HIVEP3: variants seen among roughly 807,000 people sequenced by gnomAD.
HIVEP3 encodes the protein HIVEP zinc finger 3, also known as transcription factor HIVEP3.
A neutral mutation model predicts 152.8 loss-of-function variants in HIVEP3; 49 were observed. That is an observed-to-expected ratio of 0.32 (90% CI 0.26 to 0.41). HIVEP3 has a LOEUF of 0.41. Among genes scored for constraint, HIVEP3 ranks in the 10% least tolerant of loss-of-function variants. The pLI is 1.00. For synonymous variants in HIVEP3, 1,269 were observed against 1,289.0 expected (o/e 0.98, Z 0.33); for missense variants, 2,790 against 3,103.3 (o/e 0.90, Z 2.40).
At chr1:42,008,389 G>A (rs992013131) in intron 1 of HIVEP3, among the ~76,000 whole-genome samples, 4 of 152,336 alleles carry the variant, frequency 2.6e-5, no homozygotes, top group African/African-American at 9.6e-5. Context: ...GGCATATGCA[G>A]CATCATACGA....
intron 1 of HIVEP3, among the ~76,000 whole-genome samples, chr1:41,708,466 C>G (rs148588908): frequency 5.9e-5 from 9 of 152,264 alleles, no homozygotes; most frequent in Non-Finnish European, 1.3e-4. Context: ...TGAGCCTAAG[C>G]CAGGCATCTC....
At position 41,581,064 on chromosome 1, in the gene HIVEP3, TGGGATTGCAGA is replaced by T; in HGVS notation, c.3723_3733del (p.Leu1242ValfsTer8). The T allele has an allele frequency of 6.4e-7, 1 of 1,557,408 alleles. No homozygotes were observed. The highest frequency in any genetic ancestry group is 8.7e-7 in the Non-Finnish European group (1 of 1,150,610). Reference sequence around the variant, plus strand: ...ATCACCAGGGAGCTGAAGTGCAAACTGGGATTGCAGAGGCAGGAAAAACCCAGAAGACAGTG... The same window carrying T: ...ATCACCAGGGAGCTGAAGTGCAAACTGGCAGGAAAAACCCAGAAGACAGTG... On this transcript the variant is annotated frameshift_variant, in exon 4 of 9. Transcript: ENST00000372583. LOFTEE classifies it high-confidence loss of function. The surrounding 1 kb of genome is among the most constrained non-coding windows in gnomAD (Gnocchi z 4.5).
At chr1:41,950,467 A>G (rs149790017) in intron 1 of HIVEP3, among the ~76,000 whole-genome samples, 6 of 152,286 alleles carry the variant, frequency 3.9e-5, no homozygotes, top group African/African-American at 1.4e-4. Flanking sequence ...TGATTAACTT[A>G]AGAGGTGTTT....
At chr1:41,848,616 A>C (rs181119462) in intron 1 of HIVEP3, among the ~76,000 whole-genome samples, 18 of 152,292 alleles carry the variant, frequency 1.2e-4, no homozygotes, top group Admixed American at 5.9e-4. Flanking sequence ...GAATTGCAGG[A>C]AGAAGGAGGG....
intron 1 of HIVEP3, among the ~76,000 whole-genome samples, chr1:41,911,500 C>T (rs1013311400): frequency 1.3e-5 from 2 of 152,092 alleles, no homozygotes; most frequent in Admixed American, 6.5e-5. Context: ...CCTAGCAGCA[C>T]TGAAAATGCC....
At chr1:41,962,013 A>G (rs555056348) in intron 1 of HIVEP3, among the ~76,000 whole-genome samples, 38 of 152,396 alleles carry the variant, frequency 2.5e-4, no homozygotes, top group African/African-American at 8.9e-4. Context: ...TAGAGGCACC[A>G]TAAGCCAAGA....
chr1:41,753,042 C>T (rs879280115), intron 1 of HIVEP3, among the ~76,000 whole-genome samples: 6 of 152,148 alleles, frequency 3.9e-5, no homozygotes, highest in South Asian at 2.1e-4. Context: ...TGCTGTAAAG[C>T]GGTTGTATTC....
intron 1 of HIVEP3, among the ~76,000 whole-genome samples, chr1:41,948,663 G>A (rs892328599): frequency 1.4e-4 from 21 of 152,076 alleles, no homozygotes; most frequent in Non-Finnish European, 2.8e-4. Flanking sequence ...AGAACCTCAC[G>A]AGGACATAGT....
At chr1:41,722,848 G>T (rs56357975) in intron 1 of HIVEP3, among the ~76,000 whole-genome samples, 10,372 of 152,154 alleles carry the variant, frequency 0.068, 1,188 homozygotes, top group African/African-American at 0.24. Flanking sequence ...TATTGAGTGT[G>T]CATGCATGTG....
intron 1 of HIVEP3, among the ~76,000 whole-genome samples, chr1:41,927,283 G>C (rs1480023452): frequency 6.6e-6 from 1 of 152,160 alleles, no homozygotes; most frequent in Non-Finnish European, 1.5e-5. Flanking sequence ...ACTGAGACAG[G>C]CCACCTGGCT....
chr1:41,719,484 C>T (rs1646646299), intron 1 of HIVEP3, among the ~76,000 whole-genome samples: 1 of 152,220 alleles, frequency 6.6e-6, no homozygotes, highest in African/African-American at 2.4e-5. Flanking sequence ...AGTTTTCCTT[C>T]CCTTGGCTCA....
chr1:41,983,073 T>C (rs953508733), intron 1 of HIVEP3, among the ~76,000 whole-genome samples: 1 of 152,180 alleles, frequency 6.6e-6, no homozygotes, highest in East Asian at 1.9e-4. Flanking sequence ...CAGTTCACAA[T>C]AGGGTTCACA....
At chr1:41,700,163 C>T (rs1446813770) in intron 2 of HIVEP3, among the ~76,000 whole-genome samples, 2 of 152,168 alleles carry the variant, frequency 1.3e-5, no homozygotes, top group African/African-American at 2.4e-5. Flanking sequence ...TGTTCTGTGG[C>T]TATTTGCACA....
In HIVEP3 at chr1:41,511,163, GC is replaced by G; in HGVS notation, c.6508del (p.Ala2170ProfsTer18). On this transcript the variant is annotated frameshift_variant, in exon 9 of 9. Transcript: ENST00000372583. LOFTEE classifies it high-confidence loss of function. The surrounding 1 kb of genome is among the most constrained non-coding windows in gnomAD (Gnocchi z 4.9). ...GCTGAAGATGTTCTCCTCTGTCCGGGCCAGGATGTGGCCGTGGAAGTCATGG... is the reference window on the plus strand; with the variant it reads ...GCTGAAGATGTTCTCCTCTGTCCGGGCAGGATGTGGCCGTGGAAGTCATGG... ...ALHDFHGHIL[A>X]RTEENIFSHL... The G allele has an allele frequency of 6.2e-7, 1 of 1,614,192 alleles. No individual in the cohort carries two copies. Among genetic ancestry groups the G allele is most frequent in the Non-Finnish European group, 8.5e-7 (1 of 1,180,026 alleles).
In HIVEP3 at chr1:41,897,938, GGAGAGAGAGAGAGAGAGAGAGA is replaced by G. The variant is rs71065103; in HGVS notation, c.-801+20453_-801+20474del. Among the ~76,000 whole-genome samples, 2 of 130,000 alleles carry G rather than the reference GGAGAGAGAGAGAGAGAGAGAGA, an allele frequency of 1.5e-5. 1 individual carries two copies. Among genetic ancestry groups the G allele is most frequent in the Non-Finnish European group, 3.2e-5 (2 of 61,958 alleles). The allele number at this position is 130,000 out of a possible 152,430, so 85.3% of individuals were successfully genotyped here. A position where few individuals can be genotyped will look rare whatever the true frequency, so the allele number is the denominator to read the frequency against. On this transcript the variant is annotated intron_variant, in intron 1 of 8. Coordinates refer to ENST00000372583, the MANE Select transcript of HIVEP3 (RefSeq NM_024503.5). Reference sequence around the variant, plus strand: ...GTAGAAGGAAAGACCTGAGAGAGAGGGAGAGAGAGAGAGAGAGAGAGAGAGAGAGAGAGAGAGAGAGAGGTGC... The same window carrying G: ...GTAGAAGGAAAGACCTGAGAGAGAGGGAGAGAGAGAGAGAGAGAGAGGTGC...
At chr1:41,573,345 C>A (rs12137561) in intron 5 of HIVEP3, among the ~76,000 whole-genome samples, 27,999 of 152,086 alleles carry the variant, frequency 0.18, 3,117 homozygotes, top group Non-Finnish European at 0.27. Context: ...ATGCCCTCCC[C>A]CTCCTTCACC....
At chr1:41,601,321 A>G (rs1465103580) in intron 3 of HIVEP3, among the ~76,000 whole-genome samples, 1 of 151,924 alleles carries the variant, frequency 6.6e-6, no homozygotes, top group African/African-American at 2.4e-5. Context: ...GGTTTCATTG[A>G]CTCTGTAGAT....
intron 1 of HIVEP3, among the ~76,000 whole-genome samples, chr1:41,898,430 T>G (rs960388949): frequency 2.0e-5 from 3 of 152,152 alleles, no homozygotes; most frequent in African/African-American, 7.2e-5. Context: ...CATCTCTAAG[T>G]AGTGCCTCCC....
intron 1 of HIVEP3, among the ~76,000 whole-genome samples, chr1:41,976,601 T>A (rs756430553): frequency 5.3e-5 from 8 of 152,238 alleles, no homozygotes; most frequent in South Asian, 2.1e-4. Context: ...TTCAAGCATG[T>A]TCTTAGATAC....
Sources: allele counts gnomAD v4.1 joint callset (sites outside exome capture counted in the v4.1 genomes callset), GRCh38; gene constraint gnomAD v4.1.1; non-coding constraint Gnocchi (gnomAD v3.1); transcripts MANE v1.5; gene names NCBI Gene and HGNC (gene_info 2026-07-23, HGNC 2026-07-21).